The following NCALD variants were observed in gnomAD, a reference collection of about 807,000 sequenced individuals.
NCALD encodes the protein neurocalcin delta.
In NCALD, 10 loss-of-function variants were observed where a neutral mutation model predicts 18.6. The ratio of observed to expected loss-of-function variants is 0.54; its 90% CI spans 0.33 to 0.91. The LOEUF (loss-of-function observed/expected upper bound fraction) is 0.91, where lower values mean the gene tolerates loss of function less well. NCALD is among the 40% of genes least tolerant of loss of function. NCALD has a pLI of 0.03. For synonymous variants in NCALD, 88 were observed against 87.4 expected, an observed-to-expected ratio of 1.01 and a Z score of -0.04; for missense variants, 184 against 247.6, an observed-to-expected ratio of 0.74 and a Z score of 1.72.
intron 1 of NCALD, among the ~76,000 whole-genome samples, chr8:101,780,275 G>A (rs780647588): frequency 4.6e-5 from 7 of 152,130 alleles, no homozygotes; most frequent in Non-Finnish European, 8.8e-5. Flanking sequence ...GGTTAAGTAA[G>A]TGATTTGGAA....
chr8:101,952,315 A>G (rs2131814314), intron 2 of NCALD, among the ~76,000 whole-genome samples: 1 of 152,228 alleles, frequency 6.6e-6, no homozygotes, highest in East Asian at 1.9e-4. Flanking sequence ...CCCCGCTGAA[A>G]TCTACCAGCC....
intron 2 of NCALD, chr8:101,693,181 C>T (rs1280208920): frequency 4.1e-5 from 13 of 317,292 alleles, no homozygotes; most frequent in Non-Finnish European, 7.9e-5. Flanking sequence ...GACAGGGTCT[C>T]ATTCTGTCAC....
intron 1 of NCALD, among the ~76,000 whole-genome samples, chr8:102,093,829 C>T (rs1190035599): frequency 6.6e-6 from 1 of 151,854 alleles, no homozygotes; most frequent in Non-Finnish European, 1.5e-5. Context: ...GTCAGCTCTC[C>T]ACCCTGCAAT....
intron 4 of NCALD, among the ~76,000 whole-genome samples, chr8:101,853,741 C>T (rs1190405741): frequency 6.6e-6 from 1 of 152,122 alleles, no homozygotes; most frequent in South Asian, 2.1e-4. Flanking sequence ...GCTGACAGAA[C>T]AGGAGCAGAG....
At position 101,861,952 on chromosome 8, in the gene NCALD, C is replaced by T. The variant is rs146399643; in HGVS notation, c.-20+25189G>A. ...TAAATAGAAGATACATTTCCTTGCC[C>T]TCAGGGAATTTGCAATCATTTATAT... On this transcript the variant is annotated intron_variant, in intron 4 of 6. Transcript: ENST00000311028. Among the ~76,000 whole-genome samples, 103 of 152,278 alleles carry T rather than the reference C, an allele frequency of 6.8e-4. 1 individual carries two copies. Among genetic ancestry groups the T allele is most frequent in the East Asian group, 5.0e-3 (26 of 5,188 alleles).
chr8:101,898,044 G>A (rs140519066), intron 3 of NCALD, among the ~76,000 whole-genome samples: 2 of 152,312 alleles, frequency 1.3e-5, no homozygotes, highest in East Asian at 3.9e-4. Context: ...ATGCCACCAT[G>A]TGAAGAAGGA....
chr8:101,891,708 A>G (rs750668549), intron 3 of NCALD, among the ~76,000 whole-genome samples: 19 of 152,364 alleles, frequency 1.2e-4, no homozygotes, highest in East Asian at 7.7e-4. Flanking sequence ...TGGGAAGCGC[A>G]AGGGGTCAGG....
intron 1 of NCALD, among the ~76,000 whole-genome samples, chr8:101,741,637 A>G (rs1810187569): frequency 8.8e-6 from 1 of 113,974 alleles, no homozygotes; most frequent in Admixed American, 9.6e-5. Context: ...GTGAAAGGAA[A>G]AAAAAAAAGG....
At chr8:102,076,552 G>A (rs755917034) in intron 1 of NCALD, among the ~76,000 whole-genome samples, 13 of 145,798 alleles carry the variant, frequency 8.9e-5, no homozygotes, top group African/African-American at 1.4e-4. Flanking sequence ...ATTTTCCACA[G>A]TTTATATGTG....
At chr8:101,998,369 CCCCACCCCACAATTCTT>C (rs1246565044) in intron 2 of NCALD, among the ~76,000 whole-genome samples, 4 of 152,186 alleles carry the variant, frequency 2.6e-5, no homozygotes, top group African/African-American at 9.6e-5. Flanking sequence ...CCCTGTCTCT[CCCCACCCCACAATTCTT>C]CCAGCCATAC....
intron 4 of NCALD, among the ~76,000 whole-genome samples, chr8:101,830,637 G>A (rs1048619192): frequency 1.3e-5 from 2 of 152,078 alleles, no homozygotes; most frequent in African/African-American, 4.8e-5. Flanking sequence ...GGCTGACGAA[G>A]AGCATATAGG....
intron 2 of NCALD, among the ~76,000 whole-genome samples, chr8:101,942,837 T>A (rs1007598822): frequency 6.6e-6 from 1 of 152,196 alleles, no homozygotes; most frequent in African/African-American, 2.4e-5. Context: ...AATCTGGCTC[T>A]AACATTCACA....
chr8:101,946,140 A>G lies in NCALD; in HGVS notation c.-156-30282T>C, dbSNP rs114197616. Among the ~76,000 whole-genome samples, 666 of 152,304 alleles carry G rather than the reference A, an allele frequency of 4.4e-3. 7 individuals are homozygous for G. Among genetic ancestry groups the G allele is most frequent in the African/African-American group, 0.015 (632 of 41,566 alleles). ...CCGTCTTCAGTTTGCCTTCTCACTT[A>G]GTGATCTATGAAAAAAAAGAGCATG... On this transcript the variant is annotated intron_variant, in intron 2 of 6. Coordinates refer to the NCALD transcript ENST00000311028.
chr8:101,792,733 C>G (rs1435562252), upstream of NCALD, among the ~76,000 whole-genome samples: 2 of 152,160 alleles, frequency 1.3e-5, no homozygotes, highest in Non-Finnish European at 2.9e-5. Flanking sequence ...CCTGGACCCA[C>G]GTTCTCTGAG....
At chr8:101,746,214 G>C (rs1326490863) in intron 1 of NCALD, among the ~76,000 whole-genome samples, 1 of 152,168 alleles carries the variant, frequency 6.6e-6, no homozygotes, top group Non-Finnish European at 1.5e-5. Context: ...ATGCAATTAA[G>C]TTTCATAATG....
chr8:101,917,918 C>G (rs1159960458), intron 2 of NCALD, among the ~76,000 whole-genome samples: 1 of 151,996 alleles, frequency 6.6e-6, no homozygotes, highest in African/African-American at 2.4e-5. Context: ...GAGCTGGTAC[C>G]AATTTTATTG....
intron 4 of NCALD, among the ~76,000 whole-genome samples, chr8:101,850,465 A>G (rs1815047758): frequency 6.6e-6 from 1 of 152,230 alleles, no homozygotes; most frequent in Admixed American, 6.5e-5. Context: ...TTAAAGAAGA[A>G]CTTGTGTTAG....
intron 4 of NCALD, among the ~76,000 whole-genome samples, chr8:101,799,846 A>G: frequency 6.6e-6 from 1 of 152,224 alleles, no homozygotes. Context: ...CACCTTCTGT[A>G]TCTTGACTGT....
intron 2 of NCALD, among the ~76,000 whole-genome samples, chr8:101,932,343 C>T (rs760429500): frequency 1.3e-5 from 2 of 152,162 alleles, no homozygotes; most frequent in African/African-American, 4.8e-5. Flanking sequence ...CTCTGGGAGA[C>T]ATTCTGCATG....
Sources: allele counts gnomAD v4.1 joint callset (sites outside exome capture counted in the v4.1 genomes callset), GRCh38; gene constraint gnomAD v4.1.1; transcripts MANE v1.5; gene names NCBI Gene and HGNC (gene_info 2026-07-23, HGNC 2026-07-21).